The following SMOX variants were observed in gnomAD, a reference collection of about 807,000 sequenced individuals.
The protein encoded by SMOX is flavin containing amine oxidase.
Under a neutral mutation model 51.0 loss-of-function variants are expected in SMOX, and 22 were observed. That is an observed-to-expected ratio of 0.43 (90% CI 0.31 to 0.62). SMOX has a LOEUF of 0.62. SMOX is among the 20% of genes least tolerant of loss of function. The pLI is 0.10. For missense variants in SMOX, 566 were observed against 777.7 expected (o/e 0.73, Z 3.24); for synonymous variants, 282 against 307.8 (o/e 0.92, Z 0.88).
chr20:4,182,155 A>G lies in SMOX; in HGVS notation c.676A>G (p.Thr226Ala). ...GTCCCTGAGCGCCTTCGGGGAGTGG[A>G]CCGAGATCCCCGGCGCTCACCACAT... ...EVSLSAFGEW[T>A]EIPGAHHIIP... is the part of the protein sequence containing the mutation. The change falls in exon 5 of 7, where the codon ACC becomes GCC. Residue 226 changes from threonine (T) to alanine (A), a missense_variant. Physicochemically the swap from Thr to Ala is moderately conservative, Grantham distance 58 (BLOSUM62 0). This residue lies in a region of SMOX where 347 missense variants were observed against 481.8 expected (regional missense o/e 0.72). Coordinates refer to ENST00000305958, the MANE Select transcript of SMOX (RefSeq NM_175839.3). The surrounding 1 kb of genome is among the most constrained non-coding windows in gnomAD (Gnocchi z 8.4). The G allele has an allele frequency of 1.9e-6, 3 of 1,612,760 alleles. No homozygotes were observed. The highest frequency in any genetic ancestry group is 1.3e-5 in the African/African-American group (1 of 74,974).
chr20:4,163,381 T>C (rs1986422461), intron 1 of SMOX, among the ~76,000 whole-genome samples: 1 of 152,172 alleles, frequency 6.6e-6, no homozygotes, highest in Admixed American at 6.5e-5. Context: ...GCCCACTTCA[T>C]CCTAGCTCTG....
rs1366371760 is a variant in SMOX at position 4,149,485 on chromosome 20, C to T, written c.-27+508C>T. On this transcript the variant is annotated intron_variant, in intron 1 of 6. Transcript: ENST00000305958. This position sits in a 1 kb window ranked among gnomAD's most constrained non-coding sequence, Gnocchi z 6.0. ...CAGGAGAGGCTGTGCTGACTTCCCC[C>T]TCTGGGCTCCGGGCGTCCGGGTGGT... is the stretch of plus-strand genomic sequence containing the variant. Among the ~76,000 whole-genome samples the T allele has an allele frequency of 6.6e-6, 1 of 152,138 alleles. No homozygotes were observed. Among genetic ancestry groups the T allele is most frequent in the Non-Finnish European group, 1.5e-5 (1 of 67,994 alleles).
intron 6 of SMOX, among the ~76,000 whole-genome samples, chr20:4,184,221 C>G (rs1202867127): frequency 6.7e-6 from 1 of 149,638 alleles, no homozygotes; most frequent in East Asian, 2.0e-4. Flanking sequence ...GTCTTGAACT[C>G]TTGGGCTCAA....
At position 4,149,177 on chromosome 20, in the gene SMOX, A is replaced by G. The variant is rs1985595108; in HGVS notation, c.-27+200A>G. On this transcript the variant is annotated intron_variant, in intron 1 of 6. Coordinates refer to ENST00000305958, the MANE Select transcript of SMOX (RefSeq NM_175839.3). The surrounding 1 kb of genome is among the most constrained non-coding windows in gnomAD (Gnocchi z 6.0). Reference sequence around the variant, plus strand: ...GCGTTCCGGGAGGCTCGCGGGGAGCAGGGGGCGCCGCGCCCCCCTGGCTTC... The same window carrying G: ...GCGTTCCGGGAGGCTCGCGGGGAGCGGGGGGCGCCGCGCCCCCCTGGCTTC... 6.7e-6 allele frequency among the ~76,000 whole-genome samples: 1 copy of G among 148,750 alleles called. No individual in the cohort carries two copies. The highest frequency in any genetic ancestry group is 6.7e-5 in the Admixed American group (1 of 15,010).
chr20:4,150,395 T>A (rs1985678443), intron 1 of SMOX, among the ~76,000 whole-genome samples: 2 of 152,146 alleles, frequency 1.3e-5, no homozygotes, highest in Non-Finnish European at 2.9e-5. Flanking sequence ...CCTCTCCTGG[T>A]CTCCTTGAAC....
rs916099374 is a variant in SMOX, at chr20:4,177,255, G to A, written c.209-96G>A. 9.3e-7 allele frequency: 1 copy of A among 1,078,366 alleles called. No homozygotes were observed. Among genetic ancestry groups the A allele is most frequent in the African/African-American group, 1.6e-5 (1 of 62,986 alleles). 66.8% of individuals were successfully genotyped at this position (1,078,366 alleles called of 1,614,324 possible). A position where few individuals can be genotyped will look rare whatever the true frequency, so the allele number is the denominator to read the frequency against. Reference sequence around the variant, plus strand: ...AAGCTCTTTCCTGCCCTGTTGTAGGGTGGAAAGACCCTCTTGGAGGAAGGA... The same window carrying A: ...AAGCTCTTTCCTGCCCTGTTGTAGGATGGAAAGACCCTCTTGGAGGAAGGA... On this transcript the variant is annotated intron_variant, in intron 2 of 6. Coordinates refer to ENST00000305958, the MANE Select transcript of SMOX (RefSeq NM_175839.3). The surrounding 1 kb of genome is among the most constrained non-coding windows in gnomAD (Gnocchi z 4.3).
In SMOX at chr20:4,172,321, G is replaced by C. The variant is rs1162915474; in HGVS notation, c.-26-2709G>C. On this transcript the variant is annotated intron_variant, in intron 1 of 6. Transcript: ENST00000305958. This position sits in a 1 kb window ranked among gnomAD's most constrained non-coding sequence, Gnocchi z 7.7. ...CTCCGGAGCACGCCGCGTGTTTACC[G>C]ACCTGACGCAGCGTCCCGGCCCGGC... 6.6e-6 allele frequency among the ~76,000 whole-genome samples: 1 copy of C among 152,218 alleles called. No individual in the cohort carries two copies. Among genetic ancestry groups the C allele is most frequent in the East Asian group, 1.9e-4 (1 of 5,188 alleles).
chr20:4,150,014 C>T (rs566864525), intron 1 of SMOX, among the ~76,000 whole-genome samples: 78 of 152,302 alleles, frequency 5.1e-4, no homozygotes, highest in African/African-American at 1.5e-3. Flanking sequence ...CTGCCGCTGG[C>T]CCTGCCTCCG....
At chr20:4,158,046 GC>G (rs1258785001) in intron 1 of SMOX, among the ~76,000 whole-genome samples, 2 of 150,392 alleles carry the variant, frequency 1.3e-5, no homozygotes, top group Non-Finnish European at 3.0e-5. Context: ...GACTACAGGC[GC>G]CCGCCACCAC....
chr20:4,155,597 CATTTT>C (rs1247330136), intron 1 of SMOX, among the ~76,000 whole-genome samples: 1 of 152,120 alleles, frequency 6.6e-6, no homozygotes, highest in Non-Finnish European at 1.5e-5. Context: ...CAGCTTAACA[CATTTT>C]AGTTTAATAT....
chr20:4,187,573 TC>T lies in SMOX; in HGVS notation c.*168del. ...CCTGGCCCTGTAGCTTTTCTTTTTC[TC>T]CAGGCTGGGCCGTGAGCAGGTGGGC... On this transcript the variant is annotated 3_prime_UTR_variant, in exon 7 of 7. Coordinates refer to ENST00000305958, the MANE Select transcript of SMOX (RefSeq NM_175839.3). This position sits in a 1 kb window ranked among gnomAD's most constrained non-coding sequence, Gnocchi z 4.8. 9.6e-7 allele frequency: 1 copy of T among 1,044,602 alleles called. No homozygotes were observed. Among genetic ancestry groups the T allele is most frequent in the Non-Finnish European group, 1.3e-6 (1 of 744,766 alleles). 64.7% of individuals were successfully genotyped at this position (1,044,602 alleles called of 1,614,324 possible).
At position 4,183,518 on chromosome 20, in the gene SMOX, G is replaced by A. The variant is rs1397048412; in HGVS notation, c.1394G>A (p.Arg465Gln). The A allele has an allele frequency of 2.0e-5, 32 of 1,614,006 alleles. No individual in the cohort carries two copies. The highest frequency in any genetic ancestry group is 2.2e-5 in the East Asian group (1 of 44,890). The change falls in exon 6 of 7, where the codon CGG (arginine) becomes CAG (glutamine). Residue 465 changes from arginine (R) to glutamine (Q), a missense_variant. Physicochemically the swap from Arg to Gln is conservative, Grantham distance 43 (BLOSUM62 1). Around this residue, in one of 3 missense-constraint regions of SMOX, gnomAD observed 347 missense variants for 481.8 expected, o/e 0.72. Coordinates refer to ENST00000305958, the MANE Select transcript of SMOX (RefSeq NM_175839.3). This position sits in a 1 kb window ranked among gnomAD's most constrained non-coding sequence, Gnocchi z 4.3. ...FTGNPNIPKP[R>Q]RILRSAWGSN... The stretch of plus-strand genomic sequence containing the variant: ...GGGAACCCCAACATTCCAAAACCTC[G>A]GCGAATCTTGCGCTCGGCCTGGGGC...
chr20:4,169,355 G>A (rs1394798653), intron 1 of SMOX, among the ~76,000 whole-genome samples: 2 of 152,182 alleles, frequency 1.3e-5, no homozygotes, highest in Non-Finnish European at 2.9e-5. Flanking sequence ...TTGGAAGGGT[G>A]TGGGGTACGG....
At chr20:4,161,230 G>A (rs1263974212) in intron 1 of SMOX, among the ~76,000 whole-genome samples, 4 of 152,192 alleles carry the variant, frequency 2.6e-5, no homozygotes, top group Admixed American at 1.3e-4. Context: ...CTCTGTGCTG[G>A]GTGGTGCTGG....
At chr20:4,173,331 T>C (rs1033994387) in intron 1 of SMOX, among the ~76,000 whole-genome samples, 2 of 152,208 alleles carry the variant, frequency 1.3e-5, no homozygotes, top group African/African-American at 4.8e-5. Context: ...GTCCGTGCCC[T>C]TGTCTCTGGC....
In SMOX at chr20:4,182,348, C is replaced by A. The variant is rs770476968; in HGVS notation, c.869C>A (p.Thr290Asn). Residue 290 changes from threonine to asparagine, a missense_variant, in exon 5 of 7, where the codon ACT becomes AAT. Coordinates refer to ENST00000305958, the MANE Select transcript of SMOX (RefSeq NM_175839.3). This position sits in a 1 kb window ranked among gnomAD's most constrained non-coding sequence, Gnocchi z 8.4. ...GGTGAGGGCGACCACAATCACGACA[C>A]TGGGGAGGGTGGCCAGGGTGGAGAG... ...PRGEGDHNHD[T>N]GEGGQGGEEP... 1 of 1,593,984 alleles carries A rather than the reference C, an allele frequency of 6.3e-7. No homozygotes were observed. Among genetic ancestry groups the A allele is most frequent in the Admixed American group, 1.7e-5 (1 of 58,804 alleles).
intron 1 of SMOX, among the ~76,000 whole-genome samples, chr20:4,150,824 C>CTTTTTT (rs753050845): frequency 9.3e-6 from 1 of 107,678 alleles, no homozygotes; most frequent in Non-Finnish European, 1.8e-5. Context: ...CATCTACTCA[C>CTTTTTT]TTTTTTTTTT....
At chr20:4,150,073 T>G (rs1568726416) in intron 1 of SMOX, among the ~76,000 whole-genome samples, 1 of 152,306 alleles carries the variant, frequency 6.6e-6, no homozygotes, top group South Asian at 2.1e-4. Context: ...AGTTACCTCC[T>G]CTCTCTCCAG....
rs1979332921 is a variant in SMOX at position 4,181,678 on chromosome 20, G to T, written c.436-125G>T. 2.5e-6 allele frequency: 3 copies of T among 1,179,614 alleles called. No homozygotes were observed. Among genetic ancestry groups the T allele is most frequent in the Non-Finnish European group, 3.6e-6 (3 of 832,898 alleles). The allele number at this position is 1,179,614 out of a possible 1,614,324, so 73.1% of individuals were successfully genotyped here. A position where few individuals can be genotyped will look rare whatever the true frequency, so the allele number is the denominator to read the frequency against. ...TGAGTGCAACATCGGATCCCTAAGG[G>T]ACAGAGACCAGGGGCTCAGTGCATC... On this transcript the variant is annotated intron_variant, in intron 3 of 6. Transcript: ENST00000305958. The surrounding 1 kb of genome is among the most constrained non-coding windows in gnomAD (Gnocchi z 5.6).
Sources: gnomAD v4.1 joint callset for allele counts (sites outside exome capture counted in the v4.1 genomes callset) on GRCh38, gnomAD v4.1.1 for gene constraint, gnomAD v4.1.1 regional missense constraint, Gnocchi (gnomAD v3.1) non-coding constraint, MANE v1.5 for transcripts, NCBI Gene and HGNC (gene_info 2026-07-23, HGNC 2026-07-21) for gene names.